The following ANKH variants were observed in gnomAD, a reference collection of about 807,000 sequenced individuals.
ANKH encodes the protein ANKH inorganic pyrophosphate transport regulator, also known as mineralization regulator ANKH.
ANKH carries 15 observed loss-of-function variants against 49.0 expected under a neutral mutation model. The ratio of observed to expected loss-of-function variants is 0.31; its 90% CI spans 0.20 to 0.47. ANKH has a LOEUF of 0.47. ANKH is among the 20% of genes least tolerant of loss of function. The probability of loss-of-function intolerance (pLI) is 1.00; values close to 1 mark genes in which losing one functional copy is unlikely to be tolerated. For missense variants in ANKH, 429 were observed against 652.0 expected (o/e 0.66, Z 3.72); for synonymous variants, 273 against 260.0 (o/e 1.05, Z -0.48).
intron 1 of ANKH, among the ~76,000 whole-genome samples, chr5:14,835,073 A>G (rs919168839): frequency 1.3e-5 from 2 of 152,226 alleles, no homozygotes; most frequent in Non-Finnish European, 2.9e-5. Context: ...AAGATTAACC[A>G]TTACTTCTGA....
At chr5:14,821,241 T>C (rs1010168963) in intron 1 of ANKH, among the ~76,000 whole-genome samples, 1 of 152,224 alleles carries the variant, frequency 6.6e-6, no homozygotes, top group South Asian at 2.1e-4. Context: ...ACCAATCCCT[T>C]GAGGGTAATA....
chr5:14,747,665 C>T (rs890194785), intron 6 of ANKH, among the ~76,000 whole-genome samples: 1 of 152,212 alleles, frequency 6.6e-6, no homozygotes, highest in Non-Finnish European at 1.5e-5. Context: ...GTGTTCAACC[C>T]TCTGCCTAGC....
chr5:14,802,636 A>G (rs907257842), intron 1 of ANKH, among the ~76,000 whole-genome samples: 3 of 151,288 alleles, frequency 2.0e-5, no homozygotes, highest in Non-Finnish European at 2.9e-5. Context: ...CCTCTTCTCC[A>G]TTCTAGATTC....
intron 8 of ANKH, among the ~76,000 whole-genome samples, chr5:14,720,658 C>A (rs894717868): frequency 4.6e-5 from 7 of 152,172 alleles, no homozygotes; most frequent in African/African-American, 1.7e-4. Context: ...TGCCTTAGAA[C>A]CTACAGGAAG....
chr5:14,833,051 C>T (rs1166797632), intron 1 of ANKH, among the ~76,000 whole-genome samples: 1 of 152,182 alleles, frequency 6.6e-6, no homozygotes, highest in African/African-American at 2.4e-5. Flanking sequence ...CCAAGCTTGG[C>T]CCCACAACCT....
intron 8 of ANKH, among the ~76,000 whole-genome samples, chr5:14,733,160 G>A (rs147700805): frequency 0.013 from 1,909 of 152,282 alleles, 20 homozygotes; most frequent in African/African-American, 0.025. Flanking sequence ...GTCTGGCACC[G>A]GATTCATAGT....
intron 3 of ANKH, 152 bp downstream of exon 3, chr5:14,758,328 G>A (rs1267860251): frequency 1.4e-6 from 1 of 694,140 alleles, no homozygotes; most frequent in East Asian, 2.7e-5. Flanking sequence ...GCAAGATGAA[G>A]AGTTCTGAAG....
Position 14,805,450 on chromosome 5 carries a change from T to TAAAC in ANKH, c.97-36260_97-36259insGTTT, listed in dbSNP as rs1740680303. 8.7e-5 allele frequency among the ~76,000 whole-genome samples: 7 copies of TAAAC among 80,002 alleles called. 1 individual carries two copies. In the Middle Eastern group the frequency reaches 0.023, roughly 266 times the overall value. 52.5% of individuals were successfully genotyped at this position (80,002 alleles called of 152,430 possible). On this transcript the variant is annotated intron_variant, in intron 1 of 11. Coordinates refer to ENST00000284268, the MANE Select transcript of ANKH (RefSeq NM_054027.6). The stretch of plus-strand genomic sequence containing the variant: ...ATAAACATATATATGTGTGTGTGTA[T>TAAAC]ATATATATGTACACACACATATATG...
chr5:14,830,739 C>T (rs1561074805), intron 1 of ANKH, among the ~76,000 whole-genome samples: 2 of 152,290 alleles, frequency 1.3e-5, no homozygotes, highest in Admixed American at 1.3e-4. Context: ...TGACCATTTT[C>T]CCAAGCACTG....
intron 8 of ANKH, among the ~76,000 whole-genome samples, chr5:14,726,059 G>C (rs1284924709): frequency 2.0e-5 from 3 of 152,202 alleles, no homozygotes. Flanking sequence ...TGGGGGAGGG[G>C]CAGCTTTCAG....
intron 8 of ANKH, among the ~76,000 whole-genome samples, chr5:14,739,398 C>T (rs1738284211): frequency 6.6e-6 from 1 of 151,980 alleles, no homozygotes; most frequent in Admixed American, 6.6e-5. Flanking sequence ...GCCTGGGCGA[C>T]GGAGTGAGAC....
chr5:14,716,991 G>A, intron 8 of ANKH, 156 bp from the exon 9 acceptor site: 1 of 884,264 alleles, frequency 1.1e-6, no homozygotes, highest in South Asian at 1.4e-5. Flanking sequence ...CCACCTGCTT[G>A]CTTGACTCTC....
intron 1 of ANKH, among the ~76,000 whole-genome samples, chr5:14,799,363 C>T (rs959633005): frequency 5.9e-5 from 9 of 152,218 alleles, no homozygotes; most frequent in African/African-American, 2.2e-4. Flanking sequence ...GCTAAGATCA[C>T]TAATGAAGGT....
intron 1 of ANKH, among the ~76,000 whole-genome samples, chr5:14,837,289 A>G (rs1741683056): frequency 6.6e-6 from 1 of 152,326 alleles, no homozygotes; most frequent in Admixed American, 6.5e-5. Context: ...TAATTAAACT[A>G]AAGAGCTTCT....
At chr5:14,791,086 C>G (rs1442017610) in intron 1 of ANKH, among the ~76,000 whole-genome samples, 1 of 152,182 alleles carries the variant, frequency 6.6e-6, no homozygotes, top group East Asian at 1.9e-4. Context: ...TTACCCAAGG[C>G]CATTAAGCTA....
At chr5:14,843,832 T>C (rs1310456960) in intron 1 of ANKH, among the ~76,000 whole-genome samples, 1 of 152,190 alleles carries the variant, frequency 6.6e-6, no homozygotes, top group Non-Finnish European at 1.5e-5. Flanking sequence ...AAATCTCGAC[T>C]CACTTTAACG....
chr5:14,831,949 A>G (rs1323529883), intron 1 of ANKH, among the ~76,000 whole-genome samples: 2 of 152,150 alleles, frequency 1.3e-5, no homozygotes, highest in Non-Finnish European at 2.9e-5. Context: ...TACAAGACAT[A>G]CTTTGCTTTT....
In ANKH at chr5:14,713,029, C is replaced by A; in HGVS notation, c.1266-56G>T. ...TGTTAAGGCCAAGTCAAGGCACAAC[C>A]GTCGATGCCAAAACCCAGGAAAGTA... On this transcript the variant is annotated intron_variant, in intron 10 of 11. Transcript: ENST00000284268. The surrounding 1 kb of genome is among the most constrained non-coding windows in gnomAD (Gnocchi z 4.4). The A allele has an allele frequency of 6.6e-7, 1 of 1,523,066 alleles. No homozygotes were observed. The highest frequency in any genetic ancestry group is 2.3e-5 in the East Asian group (1 of 43,046). The allele number at this position is 1,523,066 out of a possible 1,614,324, so 94.3% of individuals were successfully genotyped here. A position where few individuals can be genotyped will look rare whatever the true frequency, so the allele number is the denominator to read the frequency against.
intron 1 of ANKH, among the ~76,000 whole-genome samples, chr5:14,793,887 C>T (rs1395671537): frequency 1.3e-5 from 2 of 152,208 alleles, no homozygotes; most frequent in Non-Finnish European, 2.9e-5. Context: ...GACTATTGAA[C>T]AATGAATGGG....
Sources: gnomAD v4.1 joint callset for allele counts (sites outside exome capture counted in the v4.1 genomes callset) on GRCh38, gnomAD v4.1.1 for gene constraint, Gnocchi (gnomAD v3.1) non-coding constraint, MANE v1.5 for transcripts, NCBI Gene and HGNC (gene_info 2026-07-23, HGNC 2026-07-21) for gene names.